The following GPC6 variants were observed in gnomAD, a reference collection of about 807,000 sequenced individuals.
GPC6 encodes glypican-6.
A neutral mutation model predicts 55.2 loss-of-function variants in GPC6; 14 were observed. That is an observed-to-expected ratio of 0.25 (90% CI 0.17 to 0.40). The LOEUF (loss-of-function observed/expected upper bound fraction) is 0.40, where lower values mean the gene tolerates loss of function less well. Among genes scored for constraint, GPC6 ranks in the 10% least tolerant of loss-of-function variants. GPC6 has a pLI of 1.00. For synonymous variants in GPC6, 278 were observed against 259.6 expected, an observed-to-expected ratio of 1.07 and a Z score of -0.68; for missense variants, 641 against 708.5, an observed-to-expected ratio of 0.90 and a Z score of 1.08.
intron 4 of GPC6, among the ~76,000 whole-genome samples, chr13:94,169,122 T>G (rs2138926339): frequency 6.6e-6 from 1 of 152,340 alleles, no homozygotes; most frequent in Non-Finnish European, 1.5e-5. Flanking sequence ...CAAGTTTACC[T>G]TTTTGACAAG....
At position 94,123,717 on chromosome 13, in the gene GPC6, G is replaced by A. The variant is rs533405991; in HGVS notation, c.877+95823G>A. On this transcript the variant is annotated intron_variant, in intron 4 of 8. Coordinates refer to ENST00000377047, the MANE Select transcript of GPC6 (RefSeq NM_005708.5). ...TATGTTTGTATTTGAAAAGGGAGTG[G>A]GGGAGGGGGTAAGATAGTTATAATG... is the stretch of plus-strand genomic sequence containing the variant. 1.6e-3 allele frequency among the ~76,000 whole-genome samples: 243 copies of A among 152,062 alleles called. 2 individuals carry two copies. Among genetic ancestry groups the A allele is most frequent in the African/African-American group, 5.4e-3 (223 of 41,496 alleles).
At chr13:94,259,610 C>A (rs1450378451) in intron 4 of GPC6, among the ~76,000 whole-genome samples, 2 of 152,148 alleles carry the variant, frequency 1.3e-5, no homozygotes, top group Non-Finnish European at 2.9e-5. Flanking sequence ...CAGAATTTTT[C>A]ATTGTCCCAA....
chr13:94,149,477 C>T (rs1236501744), intron 4 of GPC6, among the ~76,000 whole-genome samples: 2 of 152,026 alleles, frequency 1.3e-5, no homozygotes, highest in East Asian at 1.9e-4. Flanking sequence ...AACTTAAGTG[C>T]GATAGTATGA....
At chr13:94,309,143 A>G (rs2139115503) in intron 6 of GPC6, among the ~76,000 whole-genome samples, 1 of 152,232 alleles carries the variant, frequency 6.6e-6, no homozygotes, top group East Asian at 1.9e-4. Context: ...AAAGGAGGAT[A>G]ATTGGAAAAG....
At chr13:93,921,239 C>G (rs1877554545) in intron 3 of GPC6, among the ~76,000 whole-genome samples, 1 of 152,140 alleles carries the variant, frequency 6.6e-6, no homozygotes, top group Non-Finnish European at 1.5e-5. Flanking sequence ...GGGAGTCGGG[C>G]CAAGTGCTTT....
intron 2 of GPC6, among the ~76,000 whole-genome samples, chr13:93,784,584 T>A (rs892765855): frequency 1.3e-5 from 2 of 152,164 alleles, no homozygotes; most frequent in African/African-American, 4.8e-5. Flanking sequence ...AGGCCGAGGT[T>A]TATTGGAGTT....
intron 4 of GPC6, among the ~76,000 whole-genome samples, chr13:94,054,696 G>C (rs1884072047): frequency 6.6e-6 from 1 of 152,084 alleles, no homozygotes; most frequent in Admixed American, 6.6e-5. Context: ...AATCCACGTG[G>C]CTCACAAAGC....
intron 2 of GPC6, among the ~76,000 whole-genome samples, chr13:93,614,704 T>G (rs1405630235): frequency 6.6e-6 from 1 of 152,168 alleles, no homozygotes; most frequent in African/African-American, 2.4e-5. Flanking sequence ...TATCTTTTAT[T>G]TATTTACCCA....
intron 1 of GPC6, among the ~76,000 whole-genome samples, chr13:93,505,530 C>T (rs564106322): frequency 8.5e-5 from 13 of 152,134 alleles, no homozygotes; most frequent in Non-Finnish European, 1.6e-4. Context: ...CACTCTAACT[C>T]GTCTGAGTGA....
chr13:94,220,079 A>C lies in GPC6; in HGVS notation c.878-66270A>C, dbSNP rs117973000. On this transcript the variant is annotated intron_variant, in intron 4 of 8. Transcript: ENST00000377047. Reference sequence around the variant, plus strand: ...AACAGAGTAGGTCCAGTTTACAGCTAGATTTCTGTACCAATGAGGCAGAGC... The same window carrying C: ...AACAGAGTAGGTCCAGTTTACAGCTCGATTTCTGTACCAATGAGGCAGAGC... Among the ~76,000 whole-genome samples the C allele has an allele frequency of 5.2e-3, 795 of 152,256 alleles. 1 individual carries two copies. Among genetic ancestry groups the C allele is most frequent in the Non-Finnish European group, 8.2e-3 (557 of 68,008 alleles).
chr13:93,650,236 A>G (rs1246915416), intron 2 of GPC6, among the ~76,000 whole-genome samples: 1 of 152,188 alleles, frequency 6.6e-6, no homozygotes, highest in Non-Finnish European at 1.5e-5. Context: ...TTTCCCAAGT[A>G]CATTTTGATA....
intron 1 of GPC6, among the ~76,000 whole-genome samples, chr13:93,489,656 G>A (rs908487063): frequency 2.2e-3 from 339 of 151,698 alleles, no homozygotes; most frequent in African/African-American, 7.7e-3. Context: ...TTGAGCAGTG[G>A]TTTGTAGTTC....
intron 2 of GPC6, among the ~76,000 whole-genome samples, chr13:93,576,897 G>A (rs78537090): frequency 0.011 from 1,750 of 152,212 alleles, 34 homozygotes; most frequent in African/African-American, 0.04. Context: ...ACAAAAGATT[G>A]CACTTAGAAT....
chr13:94,100,611 G>T (rs1266466681), intron 4 of GPC6, among the ~76,000 whole-genome samples: 1 of 152,144 alleles, frequency 6.6e-6, no homozygotes, highest in Non-Finnish European at 1.5e-5. Context: ...CTTCAGGCTA[G>T]TACTTTCTAG....
At chr13:93,238,023 T>C (rs1327003706) in intron 1 of GPC6, among the ~76,000 whole-genome samples, 1 of 152,192 alleles carries the variant, frequency 6.6e-6, no homozygotes, top group Non-Finnish European at 1.5e-5. Flanking sequence ...TTGTTCTTTT[T>C]GCTTAGGATT....
intron 3 of GPC6, among the ~76,000 whole-genome samples, chr13:93,948,242 C>T (rs1040886119): frequency 2.0e-5 from 3 of 152,166 alleles, no homozygotes; most frequent in Non-Finnish European, 4.4e-5. Context: ...TTATATTCCT[C>T]CTATCGTATT....
intron 3 of GPC6, among the ~76,000 whole-genome samples, chr13:93,974,640 C>A (rs545624571): frequency 6.6e-6 from 1 of 152,004 alleles, no homozygotes; most frequent in Non-Finnish European, 1.5e-5. Context: ...ATTAATAGGA[C>A]GTTTGATTTT....
intron 1 of GPC6, among the ~76,000 whole-genome samples, chr13:93,322,120 G>A (rs1031786830): frequency 2.0e-5 from 3 of 152,194 alleles, no homozygotes; most frequent in South Asian, 2.1e-4. Flanking sequence ...ACAAGAAAAC[G>A]TTGACTTGCT....
intron 4 of GPC6, among the ~76,000 whole-genome samples, chr13:94,067,798 G>A (rs1884583386): frequency 6.6e-6 from 1 of 152,190 alleles, no homozygotes; most frequent in South Asian, 2.1e-4. Flanking sequence ...TACCACCTTA[G>A]TGGTCAAATG....
Sources: allele counts gnomAD v4.1 joint callset (sites outside exome capture counted in the v4.1 genomes callset), GRCh38; gene constraint gnomAD v4.1.1; transcripts MANE v1.5; gene names NCBI Gene and HGNC (gene_info 2026-07-23, HGNC 2026-07-21).